RAP1GAP: variants seen among roughly 807,000 people sequenced by gnomAD.
RAP1GAP encodes RAP1 GTPase activating protein.
In RAP1GAP, 35 loss-of-function variants were observed where a neutral mutation model predicts 87.2. The observed-to-expected ratio is 0.40, with a 90% confidence interval of 0.31 to 0.53. The LOEUF (loss-of-function observed/expected upper bound fraction) is 0.53. Among genes scored for constraint, RAP1GAP ranks in the 20% least tolerant of loss-of-function variants. The pLI, the probability that RAP1GAP is intolerant of heterozygous loss-of-function variation, is 0.48. For synonymous variants in RAP1GAP, 375 were observed against 363.9 expected, an observed-to-expected ratio of 1.03 and a Z score of -0.35; for missense variants, 734 against 898.9, an observed-to-expected ratio of 0.82 and a Z score of 2.35.
At chr1:21,666,057 T>C (rs897454842) in intron 1 of RAP1GAP, among the ~76,000 whole-genome samples, 1 of 152,138 alleles carries the variant, frequency 6.6e-6, no homozygotes, top group Non-Finnish European at 1.5e-5. Flanking sequence ...GGGCCAGGCT[T>C]GGACAGGGAA....
chr1:21,632,027 A>G (rs2093851157), intron 2 of RAP1GAP, among the ~76,000 whole-genome samples: 1 of 152,202 alleles, frequency 6.6e-6, no homozygotes, highest in South Asian at 2.1e-4. Flanking sequence ...CCTCTGACAC[A>G]TGAAATGGGA....
At chr1:21,646,942 C>A (rs1015714636) in intron 2 of RAP1GAP, among the ~76,000 whole-genome samples, 1 of 152,170 alleles carries the variant, frequency 6.6e-6, no homozygotes, top group African/African-American at 2.4e-5. Context: ...TGGCCTCTAC[C>A]AGGACTCACT....
Position 21,603,002 on chromosome 1 carries a change from G to T in RAP1GAP, c.1429-89C>A. The T allele has an allele frequency of 2.2e-6, 2 of 922,074 alleles. No homozygotes were observed. 57.1% of individuals were successfully genotyped at this position (922,074 alleles called of 1,614,324 possible). A position where few individuals can be genotyped will look rare whatever the true frequency, so the allele number is the denominator to read the frequency against. On this transcript the variant is annotated intron_variant, in intron 18 of 24. Coordinates refer to ENST00000374765, the MANE Select transcript of RAP1GAP (RefSeq NM_002885.4). The surrounding 1 kb of genome is among the most constrained non-coding windows in gnomAD (Gnocchi z 6.0). Reference sequence around the variant, plus strand: ...CCCTCTGGGGATCCTGCTGCCCCAGGCCCTGAAGCAGAGTTGATGAGCAAG... The same window carrying T: ...CCCTCTGGGGATCCTGCTGCCCCAGTCCCTGAAGCAGAGTTGATGAGCAAG...
intron 19 of RAP1GAP, 99 bp downstream of exon 19, chr1:21,602,705 G>T: frequency 9.4e-7 from 1 of 1,062,040 alleles, no homozygotes; most frequent in Non-Finnish European, 1.3e-6. Flanking sequence ...TGGAGAGGCA[G>T]AGGGGCGGGC....
intron 2 of RAP1GAP, among the ~76,000 whole-genome samples, chr1:21,633,424 G>A (rs1040310873): frequency 5.9e-5 from 9 of 152,164 alleles, no homozygotes; most frequent in Non-Finnish European, 1.2e-4. Flanking sequence ...CTGCTTTTCT[G>A]CCTAGTGAAC....
At chr1:21,667,013 G>A (rs2097378616) in intron 1 of RAP1GAP, among the ~76,000 whole-genome samples, 1 of 152,196 alleles carries the variant, frequency 6.6e-6, no homozygotes, top group Non-Finnish European at 1.5e-5. Context: ...GTGTGCCCGT[G>A]TGTTCCTGTG....
Position 21,599,088 on chromosome 1 carries a change from G to C in RAP1GAP, c.1776+406C>G, listed in dbSNP as rs867306115. Among the ~76,000 whole-genome samples, 16 of 152,382 alleles carry C rather than the reference G, an allele frequency of 1.0e-4. No homozygotes were observed. The Middle Eastern group carries it at 0.014, about 130-fold the overall frequency. On this transcript the variant is annotated intron_variant, in intron 21 of 24. Coordinates refer to ENST00000374765, the MANE Select transcript of RAP1GAP (RefSeq NM_002885.4). The stretch of plus-strand genomic sequence containing the variant: ...AGGTGTGTGAGACTCAGTCAAAAAG[G>C]ATGAGTCAGAGCCAGCCTGGCAAAG...
intron 3 of RAP1GAP, among the ~76,000 whole-genome samples, chr1:21,625,126 A>G (rs1388804039): frequency 6.6e-6 from 1 of 152,218 alleles, no homozygotes; most frequent in Admixed American, 6.5e-5. Context: ...TGCTCCCAGC[A>G]GCCCCACGTG....
At chr1:21,617,670 C>G (rs72660324) in intron 6 of RAP1GAP, among the ~76,000 whole-genome samples, 179 bp from the exon 7 acceptor site, 10,178 of 152,266 alleles carry the variant, frequency 0.067, 462 homozygotes, top group African/African-American at 0.12. Context: ...CAGACCCAGA[C>G]AGCGCCGAGA....
rs576962328 is a variant in RAP1GAP at position 21,600,218 on chromosome 1, T to C, written c.1653-601A>G. Among the ~76,000 whole-genome samples, 6 of 152,258 alleles carry C rather than the reference T, an allele frequency of 3.9e-5. No homozygotes were observed. In the South Asian group the frequency reaches 1.2e-3, roughly 32 times the overall value. The stretch of plus-strand genomic sequence containing the variant: ...GTCCTCTCAAATCCCGAAAAGCAAA[T>C]GTGCCTTTAAAAAATCAGCCTAGGG... On this transcript the variant is annotated intron_variant, in intron 20 of 24. Coordinates refer to ENST00000374765, the MANE Select transcript of RAP1GAP (RefSeq NM_002885.4).
intron 1 of RAP1GAP, chr1:21,651,815 C>A: frequency 2.3e-6 from 3 of 1,298,464 alleles, no homozygotes; most frequent in Non-Finnish European, 2.9e-6. Flanking sequence ...GCGCTTCCGG[C>A]CGCTCATGGT....
intron 13 of RAP1GAP, 101 bp from the exon 14 acceptor site, chr1:21,610,376 C>T (rs2077476865): frequency 8.0e-7 from 1 of 1,257,282 alleles, no homozygotes; most frequent in South Asian, 1.3e-5. Flanking sequence ...AGTCAGAGGG[C>T]ACATCTAAGG....
rs11807359 is a variant in RAP1GAP at position 21,626,298 on chromosome 1, A to G, written c.-19+6T>C. On this transcript the variant is annotated splice_donor_region_variant and intron_variant, in intron 3 of 24. Transcript: ENST00000374765. The stretch of plus-strand genomic sequence containing the variant: ...AGGGGCCGTAGGTATGGAGGGGGAC[A>G]CTTACCTTAGGGTAGAGTGAAGGAG... The G allele has an allele frequency of 6.3e-7, 1 of 1,594,264 alleles. No individual in the cohort carries two copies.
At position 21,602,822 on chromosome 1, in the gene RAP1GAP, T is replaced by C. The variant is rs1449417012; in HGVS notation, c.1520A>G (p.Gln507Arg). The change falls in exon 19 of 25, where the codon CAG becomes CGG. Residue 507 changes from glutamine (Q) to arginine (R), a missense_variant. Gln to Arg is a conservative substitution (Grantham distance 43). This residue lies in a region of RAP1GAP where 249 missense variants were observed against 252.7 expected (regional missense o/e 0.99). Transcript: ENST00000374765. ...RSSAIGIENI[Q>R]EVQEKRESPP... The stretch of plus-strand genomic sequence containing the variant: ...CACCCACCTCTTCTCCTGCACCTCC[T>C]GTATGTTCTCGATGCCAATGGCGCT... The C allele has an allele frequency of 6.2e-7, 1 of 1,609,406 alleles. No homozygotes were observed. The highest frequency in any genetic ancestry group is 1.1e-5 in the South Asian group (1 of 91,034).
At chr1:21,619,312 C>G (rs975926842) in intron 4 of RAP1GAP, among the ~76,000 whole-genome samples, 3 of 151,388 alleles carry the variant, frequency 2.0e-5, no homozygotes, top group Admixed American at 2.0e-4. Flanking sequence ...CGGGAACGCA[C>G]GTGCCGCTGG....
intron 7 of RAP1GAP, 29 bp downstream of exon 7, chr1:21,617,277 C>G (rs970728703): frequency 6.4e-7 from 1 of 1,551,882 alleles, no homozygotes; most frequent in African/African-American, 1.4e-5. Context: ...CCACCCCAGC[C>G]AGCCCCGCTG....
chr1:21,647,738 C>G (rs2096200525), intron 2 of RAP1GAP, among the ~76,000 whole-genome samples: 2 of 152,204 alleles, frequency 1.3e-5, no homozygotes, highest in Admixed American at 1.3e-4. Context: ...CAGGAACATT[C>G]ACGAATGCAT....
At chr1:21,607,686 C>T (rs1570569785) in intron 17 of RAP1GAP, among the ~76,000 whole-genome samples, 1 of 152,114 alleles carries the variant, frequency 6.6e-6, no homozygotes, top group Non-Finnish European at 1.5e-5. Context: ...AGGTGAATTC[C>T]CCACCTAGGC....
chr1:21,605,725 C>T (rs1382725059), intron 18 of RAP1GAP, among the ~76,000 whole-genome samples: 2 of 152,246 alleles, frequency 1.3e-5, no homozygotes, highest in African/African-American at 2.4e-5. Flanking sequence ...AGCCCAGTCC[C>T]CAGCAAACAG....
Sources: gnomAD v4.1 joint callset for allele counts (sites outside exome capture counted in the v4.1 genomes callset) on GRCh38, gnomAD v4.1.1 for gene constraint, gnomAD v4.1.1 regional missense constraint, Gnocchi (gnomAD v3.1) non-coding constraint, MANE v1.5 for transcripts, NCBI Gene and HGNC (gene_info 2026-07-23, HGNC 2026-07-21) for gene names.